Variants in AHI1 observed in about 807,000 individuals in gnomAD.
AHI1 encodes the protein jouberin.
A neutral mutation model predicts 149.3 loss-of-function variants in AHI1; 123 were observed. That is an observed-to-expected ratio of 0.82 (90% CI 0.71 to 0.96). The LOEUF (loss-of-function observed/expected upper bound fraction) is 0.96. AHI1 is among the 40% of genes least tolerant of loss of function. AHI1 has a pLI of 0.00. For missense variants in AHI1, 1,439 were observed against 1,422.7 expected, an observed-to-expected ratio of 1.01 and a Z score of -0.18; for synonymous variants, 475 against 459.8, an observed-to-expected ratio of 1.03 and a Z score of -0.42.
At chr6:135,388,138 T>A (rs1582973178) in intron 23 of AHI1, 1 of 1,277,140 alleles carries the variant, frequency 7.8e-7, no homozygotes, top group Non-Finnish European at 1.1e-6. Context: ...AGAAATCAGT[T>A]AATTTTGTAG....
chr6:135,322,979 C>G (rs143773355), intron 25 of AHI1, among the ~76,000 whole-genome samples, 183 bp downstream of exon 25: 41 of 152,294 alleles, frequency 2.7e-4, no homozygotes, highest in Middle Eastern at 6.8e-3. Flanking sequence ...CAGAATGGAG[C>G]AGCTTCTAAT....
chr6:135,362,714 AT>A (rs536402305), intron 23 of AHI1, among the ~76,000 whole-genome samples: 71 of 148,812 alleles, frequency 4.8e-4, no homozygotes, highest in Middle Eastern at 3.5e-3. Context: ...TTGTGATGGG[AT>A]TTTTTTTTTC....
intron 5 of AHI1, among the ~76,000 whole-genome samples, chr6:135,475,453 C>T (rs961479261): frequency 2.0e-5 from 3 of 152,132 alleles, no homozygotes; most frequent in Admixed American, 1.3e-4. Context: ...AGCCTTGGGC[C>T]ACACTGTAAC....
chr6:135,465,785 A>T, intron 7 of AHI1, 29 bp downstream of exon 7: 1 of 1,427,148 alleles, frequency 7.0e-7, no homozygotes. Context: ...TTCTAAGAGG[A>T]TATTTTACAT....
chr6:135,364,654 C>T (rs1281005292), intron 23 of AHI1, among the ~76,000 whole-genome samples: 1 of 152,046 alleles, frequency 6.6e-6, no homozygotes, highest in Admixed American at 6.5e-5. Flanking sequence ...CCTCGGGAGG[C>T]CGAGGCTGGC....
chr6:135,475,396 C>A (rs752160110), intron 5 of AHI1, among the ~76,000 whole-genome samples: 1 of 152,162 alleles, frequency 6.6e-6, no homozygotes, highest in Non-Finnish European at 1.5e-5. Flanking sequence ...TTTTTAGGAC[C>A]AGTCCTTGAA....
At chr6:135,496,642 A>G (rs778705455) in intron 2 of AHI1, among the ~76,000 whole-genome samples, 1 of 152,354 alleles carries the variant, frequency 6.6e-6, no homozygotes, top group South Asian at 2.1e-4. Context: ...TTTATTTTAC[A>G]GACAACCTGA....
chr6:135,363,325 A>C (rs1794217827), intron 23 of AHI1, among the ~76,000 whole-genome samples: 1 of 151,732 alleles, frequency 6.6e-6, no homozygotes, highest in Non-Finnish European at 1.5e-5. Context: ...TTCAACCCTG[A>C]GTGGATACAG....
In AHI1 at chr6:135,359,229, A is replaced by G. The variant is rs185550431; in HGVS notation, c.3110-1042T>C. Among the ~76,000 whole-genome samples, 559 of 152,292 alleles carry G rather than the reference A, an allele frequency of 3.7e-3. 1 individual carries two copies. The highest frequency in any genetic ancestry group is 6.8e-3 in the Middle Eastern group (2 of 294). ...GTTTCATTAATTTTTTGTAACATTT[A>G]TTGTTAGCCAGTGAAGTATAAAGCA... On this transcript the variant is annotated intron_variant, in intron 23 of 28. Coordinates refer to ENST00000265602, the MANE Select transcript of AHI1 (RefSeq NM_001134831.2).
At chr6:135,467,118 C>T (rs1790891007) in intron 6 of AHI1, among the ~76,000 whole-genome samples, 1 of 152,100 alleles carries the variant, frequency 6.6e-6, no homozygotes, top group African/African-American at 2.4e-5. Flanking sequence ...GATTAAGCAT[C>T]CCAGCAAAGA....
Position 135,454,463 on chromosome 6 carries a change from T to C in AHI1, c.1345-1027A>G, listed in dbSNP as rs369314755. Among the ~76,000 whole-genome samples the C allele has an allele frequency of 7.2e-5, 11 of 152,286 alleles. No homozygotes were observed. The South Asian group carries it at 2.1e-3, about 29-fold the overall frequency. On this transcript the variant is annotated intron_variant, in intron 10 of 28. Transcript: ENST00000265602. ...ACTGATCTAAATGTAGGTTATTTTATCTCCCTAAAATTTTTGCTATTATAA... is the reference window on the plus strand; with the variant it reads ...ACTGATCTAAATGTAGGTTATTTTACCTCCCTAAAATTTTTGCTATTATAA...
Position 135,312,909 on chromosome 6 carries a change from T to A in AHI1, c.3426+5610A>T, listed in dbSNP as rs78651016. ...TCACTTTATCACAGACGACTTTTCA[T>A]GTTCTTTCTTAAAAAAAAGTGATAA... On this transcript the variant is annotated intron_variant, in intron 26 of 28. Transcript: ENST00000265602. 5.2e-3 allele frequency among the ~76,000 whole-genome samples: 786 copies of A among 152,324 alleles called. 11 individuals are homozygous for A. The highest frequency in any genetic ancestry group is 8.5e-3 in the Non-Finnish European group (576 of 68,028).
At chr6:135,445,721 T>C (rs931226844) in intron 13 of AHI1, among the ~76,000 whole-genome samples, 2 of 152,124 alleles carry the variant, frequency 1.3e-5, no homozygotes, top group Admixed American at 6.5e-5. Context: ...TACAGGTGCA[T>C]GCCACCATGC....
At chr6:135,355,980 A>G (rs571847698) in intron 24 of AHI1, among the ~76,000 whole-genome samples, 2 of 152,352 alleles carry the variant, frequency 1.3e-5, no homozygotes, top group South Asian at 4.1e-4. Flanking sequence ...CACTTCCCTC[A>G]CCCATTTAAT....
At position 135,404,993 on chromosome 6, in the gene AHI1, T is replaced by A. The variant is rs41287056; in HGVS notation, c.2962-16A>T. ...GTATCACCTCCTAAAAGAAATACAA[T>A]AAAATAAGGAAGTATTCATAATTTC... On this transcript the variant is annotated splice_polypyrimidine_tract_variant and intron_variant, in intron 21 of 28. Coordinates refer to ENST00000265602, the MANE Select transcript of AHI1 (RefSeq NM_001134831.2). The A allele has an allele frequency of 4.5e-5, 72 of 1,593,992 alleles. 1 individual carries two copies. In the East Asian group the frequency reaches 1.6e-3, roughly 36 times the overall value.
At chr6:135,359,570 T>C (rs1793525492) in intron 23 of AHI1, among the ~76,000 whole-genome samples, 1 of 152,092 alleles carries the variant, frequency 6.6e-6, no homozygotes, top group Admixed American at 6.6e-5. Context: ...AATATAGAAA[T>C]ATAGAGAGAA....
chr6:135,317,157 C>T (rs1786080141), intron 26 of AHI1, among the ~76,000 whole-genome samples: 1 of 151,978 alleles, frequency 6.6e-6, no homozygotes, highest in South Asian at 2.1e-4. Flanking sequence ...TGTGCTAGGT[C>T]CTTAGCTACC....
intron 22 of AHI1, among the ~76,000 whole-genome samples, chr6:135,404,227 CTCCTTA>C (rs1780429959): frequency 2.0e-5 from 3 of 152,286 alleles, no homozygotes; most frequent in South Asian, 4.1e-4. Flanking sequence ...GCCATTCCAA[CTCCTTA>C]TTTTCCCAAC....
chr6:135,319,210 C>T (rs1261134543), intron 25 of AHI1, among the ~76,000 whole-genome samples: 6 of 152,102 alleles, frequency 3.9e-5, no homozygotes, highest in Non-Finnish European at 5.9e-5. Flanking sequence ...GGGGGCAGGG[C>T]GCGGTGGCTC....
Sources: gnomAD v4.1 joint callset for allele counts (sites outside exome capture counted in the v4.1 genomes callset) on GRCh38, gnomAD v4.1.1 for gene constraint, MANE v1.5 for transcripts, NCBI Gene and HGNC (gene_info 2026-07-23, HGNC 2026-07-21) for gene names.